The following CTNNA3 variants were observed in gnomAD, a reference collection of about 807,000 sequenced individuals.
The protein encoded by CTNNA3 is catenin alpha 3.
CTNNA3 carries 76 observed loss-of-function variants against 95.7 expected under a neutral mutation model. The observed-to-expected ratio is 0.79, with a 90% confidence interval of 0.66 to 0.96. The LOEUF (loss-of-function observed/expected upper bound fraction) is 0.96, where lower values mean the gene tolerates loss of function less well. CTNNA3 is among the 40% of genes least tolerant of loss of function. The pLI, the probability that CTNNA3 is intolerant of heterozygous loss-of-function variation, is 0.00. For synonymous variants in CTNNA3, 431 were observed against 374.4 expected, an observed-to-expected ratio of 1.15 and a Z score of -1.74; for missense variants, 1,191 against 1,089.8, an observed-to-expected ratio of 1.09 and a Z score of -1.31.
intron 13 of CTNNA3, among the ~76,000 whole-genome samples, chr10:66,190,455 T>C (rs1342426546): frequency 6.6e-6 from 1 of 152,152 alleles, no homozygotes; most frequent in Non-Finnish European, 1.5e-5. Context: ...TAGAGTGCCA[T>C]TGACATCAGT....
At chr10:66,443,438 G>A (rs562146283) in intron 11 of CTNNA3, among the ~76,000 whole-genome samples, 12 of 152,064 alleles carry the variant, frequency 7.9e-5, no homozygotes, top group East Asian at 3.9e-4. Context: ...TCACACGGCC[G>A]GGTATTCCTC....
intron 5 of CTNNA3, among the ~76,000 whole-genome samples, chr10:67,289,126 A>G (rs1454229067): frequency 1.3e-5 from 2 of 152,172 alleles, no homozygotes; most frequent in Non-Finnish European, 2.9e-5. Context: ...TACTTAGATA[A>G]AAAGTAATTA....
chr10:67,394,833 C>A (rs1379315790), intron 5 of CTNNA3, among the ~76,000 whole-genome samples: 1 of 151,942 alleles, frequency 6.6e-6, no homozygotes, highest in Non-Finnish European at 1.5e-5. Flanking sequence ...TCATGCTCAG[C>A]AGGCACATCA....
rs1226520776 is a variant in CTNNA3, at chr10:66,199,805, A to ATTTT, written c.1884+80661_1884+80664dup. On this transcript the variant is annotated intron_variant, in intron 13 of 17. Coordinates refer to ENST00000433211, the MANE Select transcript of CTNNA3 (RefSeq NM_013266.4). ...TATATATATATATATATATATATAT[A>ATTTT]TTTTTTTTTTTTTTTTTTTTTTTTT... Among the ~76,000 whole-genome samples, 31 of 14,268 alleles carry ATTTT rather than the reference A, an allele frequency of 2.2e-3. 1 individual carries two copies. The highest frequency in any genetic ancestry group is 5.1e-3 in the African/African-American group (13 of 2,538). The allele number at this position is 14,268 out of a possible 152,430, so 9.4% of individuals were successfully genotyped here. A position where few individuals can be genotyped will look rare whatever the true frequency, so the allele number is the denominator to read the frequency against.
At chr10:66,850,783 A>T (rs1207962350) in intron 7 of CTNNA3, among the ~76,000 whole-genome samples, 6 of 152,084 alleles carry the variant, frequency 3.9e-5, no homozygotes, top group Admixed American at 3.9e-4. Flanking sequence ...CCATTGCAAA[A>T]ATAAATCTTG....
chr10:67,254,638 A>G (rs145575119), intron 5 of CTNNA3, among the ~76,000 whole-genome samples: 3 of 152,346 alleles, frequency 2.0e-5, no homozygotes, highest in East Asian at 1.9e-4. Context: ...CAAACCACAT[A>G]TACAATGGTG....
intron 11 of CTNNA3, among the ~76,000 whole-genome samples, chr10:66,385,694 A>G (rs1238738097): frequency 1.3e-5 from 2 of 152,210 alleles, no homozygotes; most frequent in East Asian, 3.9e-4. Context: ...AATCCTTAGT[A>G]AAAAACTGGC....
chr10:67,513,828 A>G (rs963687918), intron 5 of CTNNA3, among the ~76,000 whole-genome samples: 4 of 152,198 alleles, frequency 2.6e-5, no homozygotes, highest in African/African-American at 9.7e-5. Context: ...TGCTTTTCAT[A>G]CTATAGGTCC....
intron 13 of CTNNA3, among the ~76,000 whole-genome samples, chr10:66,256,956 G>A (rs910708332): frequency 6.6e-6 from 1 of 152,116 alleles, no homozygotes; most frequent in Non-Finnish European, 1.5e-5. Flanking sequence ...AAATAAGAGG[G>A]TCATCGGAAG....
intron 5 of CTNNA3, among the ~76,000 whole-genome samples, chr10:67,418,039 GA>G (rs1486757661): frequency 3.3e-5 from 5 of 152,238 alleles, no homozygotes; most frequent in Non-Finnish European, 7.4e-5. Context: ...AAGAAAGAAT[GA>G]AGTACTGATA....
chr10:66,932,028 G>A lies in CTNNA3; in HGVS notation c.1048-156504C>T, dbSNP rs568941975. On this transcript the variant is annotated intron_variant, in intron 7 of 17. Coordinates refer to ENST00000433211, the MANE Select transcript of CTNNA3 (RefSeq NM_013266.4). ...ATATGTCAAAGGTGTCAAAGGAGGG[G>A]GGCCTCCCCTTCCGGCTTTAGAACT... Among the ~76,000 whole-genome samples the A allele has an allele frequency of 3.9e-5, 6 of 152,252 alleles. No homozygotes were observed. The South Asian group carries it at 1.0e-3, about 26-fold the overall frequency.
chr10:66,772,475 T>C (rs775501458), intron 8 of CTNNA3, among the ~76,000 whole-genome samples: 2 of 149,372 alleles, frequency 1.3e-5, no homozygotes, highest in Non-Finnish European at 3.0e-5. Flanking sequence ...GGTTAATGTG[T>C]TGGTGTGATG....
At chr10:66,154,719 C>CATGTATATATATATATATAT (rs2084390744) in intron 13 of CTNNA3, among the ~76,000 whole-genome samples, 3 of 74,814 alleles carry the variant, frequency 4.0e-5, no homozygotes, top group African/African-American at 5.4e-5. Context: ...TGAAAAAGTT[C>CATGTATATATATATATATAT]ATATATATAT....
intron 11 of CTNNA3, among the ~76,000 whole-genome samples, chr10:66,513,920 G>A (rs1171149783): frequency 6.6e-6 from 1 of 152,118 alleles, no homozygotes; most frequent in African/African-American, 2.4e-5. Context: ...AGGTTCAGCT[G>A]GTAATGTAAC....
At chr10:66,834,976 G>T (rs770168387) in intron 7 of CTNNA3, among the ~76,000 whole-genome samples, 2 of 152,160 alleles carry the variant, frequency 1.3e-5, no homozygotes, top group Non-Finnish European at 2.9e-5. Flanking sequence ...TCTGATGGCA[G>T]TTAAAGGTAT....
intron 12 of CTNNA3, among the ~76,000 whole-genome samples, chr10:66,360,588 A>G: frequency 7.7e-6 from 1 of 130,102 alleles, no homozygotes; most frequent in African/African-American, 2.6e-5. Flanking sequence ...CCTCTAATGT[A>G]TTCTTTCCTT....
intron 7 of CTNNA3, among the ~76,000 whole-genome samples, chr10:66,832,387 G>T (rs970241844): frequency 2.0e-5 from 3 of 152,114 alleles, no homozygotes; most frequent in South Asian, 2.1e-4. Flanking sequence ...GACCCTGCTG[G>T]GATTTGTACC....
intron 7 of CTNNA3, among the ~76,000 whole-genome samples, chr10:66,912,463 C>CT (rs1448475818): frequency 1.3e-5 from 2 of 151,668 alleles, no homozygotes; most frequent in South Asian, 2.1e-4. Flanking sequence ...ATTAAAAGTT[C>CT]TTTTTTTTAG....
At chr10:67,356,703 C>T (rs1842822420) in intron 5 of CTNNA3, among the ~76,000 whole-genome samples, 1 of 152,042 alleles carries the variant, frequency 6.6e-6, no homozygotes, top group Non-Finnish European at 1.5e-5. Context: ...CAACTTTTTG[C>T]TGTATTTTAC....
Sources: gnomAD v4.1 joint callset for allele counts (sites outside exome capture counted in the v4.1 genomes callset) on GRCh38, gnomAD v4.1.1 for gene constraint, MANE v1.5 for transcripts, NCBI Gene and HGNC (gene_info 2026-07-23, HGNC 2026-07-21) for gene names.